CNBD1: variants seen among roughly 807,000 people sequenced by gnomAD.
CNBD1 encodes the protein cyclic nucleotide-binding domain-containing protein 1.
In CNBD1, 71 loss-of-function variants were observed where a neutral mutation model predicts 54.4. That is an observed-to-expected ratio of 1.30 (90% CI 1.08 to 1.59). CNBD1 has a LOEUF of 1.59. Ranked by LOEUF, CNBD1 falls within the 40% of genes most tolerant of loss-of-function variation. CNBD1 has a pLI of 0.00. For missense variants in CNBD1, 659 were observed against 518.0 expected (o/e 1.27, Z -2.64); for synonymous variants, 182 against 170.7 (o/e 1.07, Z -0.51).
At chr8:87,129,625 T>G (rs1163322016) in intron 4 of CNBD1, among the ~76,000 whole-genome samples, 1 of 152,200 alleles carries the variant, frequency 6.6e-6, no homozygotes, top group Non-Finnish European at 1.5e-5. Flanking sequence ...TTTTTCAAGA[T>G]GTAGCTTTAG....
intron 4 of CNBD1, among the ~76,000 whole-genome samples, chr8:87,053,268 T>C (rs1413517085): frequency 6.6e-6 from 1 of 152,178 alleles, no homozygotes; most frequent in African/African-American, 2.4e-5. Flanking sequence ...AATTGTTGGA[T>C]AGTATTAAAA....
intron 4 of CNBD1, among the ~76,000 whole-genome samples, chr8:87,149,991 C>T (rs1563487592): frequency 2.0e-5 from 3 of 151,988 alleles, no homozygotes; most frequent in South Asian, 2.1e-4. Context: ...CTGGCTAATA[C>T]GGTAAAACCA....
At chr8:87,024,874 G>GT (rs1241945390) in intron 4 of CNBD1, among the ~76,000 whole-genome samples, 2 of 152,072 alleles carry the variant, frequency 1.3e-5, no homozygotes, top group African/African-American at 4.8e-5. Flanking sequence ...CCAAGAAACT[G>GT]TTTTTTGAGA....
intron 3 of CNBD1, among the ~76,000 whole-genome samples, chr8:86,935,662 A>T (rs1177074181): frequency 6.6e-6 from 1 of 152,036 alleles, no homozygotes; most frequent in African/African-American, 2.4e-5. Context: ...TGCCAAATTT[A>T]TTATACATTA....
intron 4 of CNBD1, among the ~76,000 whole-genome samples, chr8:87,172,374 C>A (rs1813106632): frequency 6.6e-6 from 1 of 152,004 alleles, no homozygotes; most frequent in Non-Finnish European, 1.5e-5. Context: ...CTGTAAATAT[C>A]TACTGGGTCT....
chr8:87,357,163 G>A (rs776649220), intron 10 of CNBD1, among the ~76,000 whole-genome samples: 3 of 152,172 alleles, frequency 2.0e-5, no homozygotes, highest in South Asian at 2.1e-4. Context: ...TCCTGCAGGG[G>A]CCCCACAGAG....
intron 4 of CNBD1, among the ~76,000 whole-genome samples, chr8:87,188,362 CTA>C (rs1473664970): frequency 6.6e-6 from 1 of 152,168 alleles, no homozygotes; most frequent in Non-Finnish European, 1.5e-5. Flanking sequence ...AGGTCTGTCT[CTA>C]TCTTTGTTAT....
chr8:87,109,540 C>CTTTTTTTTTTTTTTT (rs35541466), intron 4 of CNBD1, among the ~76,000 whole-genome samples: 1 of 107,968 alleles, frequency 9.3e-6, no homozygotes, highest in Non-Finnish European at 2.1e-5. Flanking sequence ...TTCTTTCTTT[C>CTTTTTTTTTTTTTTT]TTTTTTTTTT....
chr8:87,042,110 A>G (rs1164594939), intron 4 of CNBD1, among the ~76,000 whole-genome samples: 1 of 152,216 alleles, frequency 6.6e-6, no homozygotes, highest in East Asian at 1.9e-4. Context: ...TTACTGCTCA[A>G]CTTTTCGGCC....
intron 8 of CNBD1, among the ~76,000 whole-genome samples, chr8:87,321,811 T>C (rs955993218): frequency 6.6e-6 from 1 of 151,616 alleles, no homozygotes; most frequent in Non-Finnish European, 1.5e-5. Flanking sequence ...TTCTTTTTTT[T>C]TTTTTTTATA....
chr8:87,120,900 A>G (rs990005293), intron 4 of CNBD1, among the ~76,000 whole-genome samples: 3 of 151,996 alleles, frequency 2.0e-5, no homozygotes, highest in African/African-American at 7.2e-5. Flanking sequence ...AGGTTTTAGC[A>G]TCAGATTTGT....
rs1428386097 is a variant in CNBD1, at chr8:87,311,436, A to C, written c.1042+24765A>C. Among the ~76,000 whole-genome samples, 5 of 152,272 alleles carry C rather than the reference A, an allele frequency of 3.3e-5. No homozygotes were observed. In the South Asian group the frequency reaches 1.0e-3, roughly 32 times the overall value. On this transcript the variant is annotated intron_variant, in intron 8 of 10. Coordinates refer to ENST00000518476, the MANE Select transcript of CNBD1 (RefSeq NM_173538.3). ...CCAGTCAGAATGGCTATTATTAAAA[A>C]GTCAAAAAATAACAGATGCTGGTGA... is the stretch of plus-strand genomic sequence containing the variant.
chr8:87,200,308 G>T (rs1330669974), intron 4 of CNBD1, among the ~76,000 whole-genome samples: 2 of 152,114 alleles, frequency 1.3e-5, no homozygotes, highest in Non-Finnish European at 2.9e-5. Context: ...AAACATCACA[G>T]TCAGTGTTCA....
At chr8:87,265,573 T>C (rs1054013476) in intron 6 of CNBD1, among the ~76,000 whole-genome samples, 4 of 152,132 alleles carry the variant, frequency 2.6e-5, no homozygotes, top group African/African-American at 9.7e-5. Context: ...AAGTAAATAA[T>C]AGGAATTATC....
chr8:86,983,395 T>C (rs1313303163), intron 4 of CNBD1, among the ~76,000 whole-genome samples: 1 of 152,160 alleles, frequency 6.6e-6, no homozygotes, highest in African/African-American at 2.4e-5. Context: ...AGTAAATTGG[T>C]ACCAGTAGAG....
chr8:86,953,818 GAT>G (rs57548176), intron 4 of CNBD1, among the ~76,000 whole-genome samples: 2,795 of 152,244 alleles, frequency 0.018, 80 homozygotes, highest in African/African-American at 0.062. Context: ...AGTGAGCCAA[GAT>G]CGTGCTACTG....
chr8:87,041,797 T>TA (rs1393214697), intron 4 of CNBD1, among the ~76,000 whole-genome samples: 2 of 151,922 alleles, frequency 1.3e-5, no homozygotes, highest in African/African-American at 4.8e-5. Flanking sequence ...AGACTCCGTC[T>TA]CAAAAAAAAT....
intron 4 of CNBD1, among the ~76,000 whole-genome samples, chr8:87,137,589 A>G (rs1326611918): frequency 2.6e-5 from 4 of 152,152 alleles, no homozygotes; most frequent in Admixed American, 6.6e-5. Flanking sequence ...TGAGAGGAGC[A>G]CCTGGCCAAA....
At chr8:87,320,689 T>G (rs1809506443) in intron 8 of CNBD1, among the ~76,000 whole-genome samples, 1 of 152,072 alleles carries the variant, frequency 6.6e-6, no homozygotes, top group Non-Finnish European at 1.5e-5. Flanking sequence ...GGTTACACCT[T>G]AAAACCTATG....
Sources: gnomAD v4.1 joint callset for allele counts (sites outside exome capture counted in the v4.1 genomes callset) on GRCh38, gnomAD v4.1.1 for gene constraint, MANE v1.5 for transcripts, NCBI Gene and HGNC (gene_info 2026-07-23, HGNC 2026-07-21) for gene names.